The following DDX23 variants were observed in gnomAD, a reference collection of about 807,000 sequenced individuals.
DDX23 encodes the protein DEAD-box helicase 23.
DDX23 carries 33 observed loss-of-function variants against 102.7 expected under a neutral mutation model. The observed-to-expected ratio is 0.32, with a 90% CI of 0.24 to 0.43. The LOEUF is 0.43. DDX23 is among the 20% of genes least tolerant of loss of function. The pLI is 1.00. For synonymous variants in DDX23, 352 were observed against 376.0 expected (o/e 0.94, Z 0.74); for missense variants, 549 against 1,086.6 (o/e 0.51, Z 6.96).
chr12:48,839,130 C>A (rs1351187943), intron 5 of DDX23, among the ~76,000 whole-genome samples: 1 of 152,132 alleles, frequency 6.6e-6, no homozygotes, highest in East Asian at 1.9e-4. Context: ...CCATCTTGGC[C>A]TTCCAAAGTA....
Position 48,832,533 on chromosome 12 carries a change from C to A in DDX23, c.1844G>T (p.Arg615Leu). 1 of 1,614,160 alleles carries A rather than the reference C, an allele frequency of 6.2e-7. No homozygotes were observed. The highest frequency in any genetic ancestry group is 8.5e-7 in the Non-Finnish European group (1 of 1,180,016). The change falls in exon 14 of 17, where the codon CGT (arginine) becomes CTT (leucine). Residue 615 changes from arginine (R) to leucine (L), a missense_variant. By Grantham distance (102) the Arg-to-Leu change is moderately radical. Transcript: ENST00000308025. This position sits in a 1 kb window ranked among gnomAD's most constrained non-coding sequence, Gnocchi z 4.4. Reference sequence around the variant, plus strand: ...TCGCCGAAGATAGCTCCTGGCCAGACGCTCCACCGCTGGGGGCATGGTGGC... The same window carrying A: ...TCGCCGAAGATAGCTCCTGGCCAGAAGCTCCACCGCTGGGGGCATGGTGGC... ...FTATMPPAVERLARSYLRRPA... is the reference protein window; with the variant it reads ...FTATMPPAVELLARSYLRRPA...
At chr12:48,831,073 G>T (rs770522548) in intron 16 of DDX23, 69 bp downstream of exon 16, 181 of 1,570,466 alleles carry the variant, frequency 1.2e-4, no homozygotes, top group South Asian at 1.8e-4. Flanking sequence ...ACAGCACCCT[G>T]ACTTCCAGTG....
intron 2 of DDX23, among the ~76,000 whole-genome samples, chr12:48,844,504 C>A (rs1354385990): frequency 6.6e-6 from 1 of 152,068 alleles, no homozygotes; most frequent in Non-Finnish European, 1.5e-5. Context: ...CTCTCAAACT[C>A]CTCACCTCAA....
intron 15 of DDX23, chr12:48,831,757 G>A (rs1364343950): frequency 1.3e-5 from 6 of 451,714 alleles, no homozygotes; most frequent in East Asian, 8.0e-5. Context: ...TCCTCTCAAC[G>A]TACCTAAGCA....
Position 48,837,599 on chromosome 12 carries a change from A to G in DDX23, c.678T>C (p.Asn226=), listed in dbSNP as rs1196991053. The G allele has an allele frequency of 3.1e-6, 5 of 1,613,698 alleles. No individual in the cohort carries two copies. The highest frequency in any genetic ancestry group is 2.2e-5 in the South Asian group (2 of 91,062). Residue 226 remains asparagine (N), a synonymous_variant, in exon 7 of 17, where the codon AAT becomes AAC. Coordinates refer to ENST00000308025, the MANE Select transcript of DDX23 (RefSeq NM_004818.3). Reference sequence around the variant, plus strand: ...GCCGCCCTTCCTCATCCTCATTTCCATTGGTCTCCCGTTCCATCCTCTCCC... The same window carrying G: ...GCCGCCCTTCCTCATCCTCATTTCCGTTGGTCTCCCGTTCCATCCTCTCCC... The part of the protein sequence containing the change: ...ERRERMERET[N]GNEDEEGRQK...
At chr12:48,851,904 G>T (rs1228815049) in intron 1 of DDX23, among the ~76,000 whole-genome samples, 180 bp downstream of exon 1, 1 of 152,244 alleles carries the variant, frequency 6.6e-6, no homozygotes, top group Non-Finnish European at 1.5e-5. Flanking sequence ...GCCCGGAGGA[G>T]CCAACACTAC....
Position 48,831,137 on chromosome 12 carries a change from C to CT in DDX23, c.2239+4dup, listed in dbSNP as rs1938380559. ...TGGATTGAAGCTGCTTTCCCTGGAACTTACCTTCAATATTTTTGGCCATAT... is the reference window on the plus strand; with the variant it reads ...TGGATTGAAGCTGCTTTCCCTGGAACTTTACCTTCAATATTTTTGGCCATAT... On this transcript the variant is annotated splice_donor_region_variant and intron_variant, in intron 16 of 16. Transcript: ENST00000308025. 1 of 1,614,038 alleles carries CT rather than the reference C, an allele frequency of 6.2e-7. No homozygotes were observed. Among genetic ancestry groups the CT allele is most frequent in the Non-Finnish European group, 8.5e-7 (1 of 1,179,882 alleles).
At position 48,832,699 on chromosome 12, in the gene DDX23, C is replaced by T. The variant is rs1043189123; in HGVS notation, c.1804-126G>A. The T allele has an allele frequency of 1.7e-6, 2 of 1,211,548 alleles. No homozygotes were observed. The highest frequency in any genetic ancestry group is 3.1e-5 in the African/African-American group (2 of 65,332). 75.0% of individuals were successfully genotyped at this position (1,211,548 alleles called of 1,614,324 possible). ...GCCACAGTATAGGCTTTGATAGCCA[C>T]CACCTTAGAAAATAGTGTCCTCTGA... On this transcript the variant is annotated intron_variant, in intron 13 of 16. Transcript: ENST00000308025. The surrounding 1 kb of genome is among the most constrained non-coding windows in gnomAD (Gnocchi z 4.4).
chr12:48,830,339 G>A lies in DDX23; in HGVS notation c.*130C>T, dbSNP rs1353171268. ...CCTCCTGACCTGAGGGTCTGGGCTA[G>A]GGAGTTGGATTGTTTTCCTAAGCCC... On this transcript the variant is annotated 3_prime_UTR_variant, in exon 17 of 17. Transcript: ENST00000308025. The surrounding 1 kb of genome is among the most constrained non-coding windows in gnomAD (Gnocchi z 4.9). The A allele has an allele frequency of 8.9e-7, 1 of 1,118,006 alleles. No homozygotes were observed. 69.3% of individuals were successfully genotyped at this position (1,118,006 alleles called of 1,614,324 possible). A position where few individuals can be genotyped will look rare whatever the true frequency, so the allele number is the denominator to read the frequency against.
intron 12 of DDX23, 134 bp from the exon 13 acceptor site, chr12:48,833,653 A>G: frequency 8.8e-7 from 1 of 1,132,604 alleles, no homozygotes; most frequent in South Asian, 1.5e-5. Context: ...TATGTTTAGC[A>G]GTAAAGGCTC....
At position 48,843,987 on chromosome 12, in the gene DDX23, A is replaced by ATCTCGG; in HGVS notation, c.267_272dup (p.Arg92_Asp93dup). On this transcript the variant is annotated inframe_insertion, in exon 3 of 17. Transcript: ENST00000308025. Reference sequence around the variant, plus strand: ...CCCGTCTGTGCCCATCCTTGTCTCGATCTCGGTCCTTCTTATTCCGATCCC... The same window carrying ATCTCGG: ...CCCGTCTGTGCCCATCCTTGTCTCGATCTCGGTCTCGGTCCTTCTTATTCCGATCCC... 6.2e-7 allele frequency: 1 copy of ATCTCGG among 1,613,698 alleles called. No individual in the cohort carries two copies. The highest frequency in any genetic ancestry group is 8.5e-7 in the Non-Finnish European group (1 of 1,179,940).
chr12:48,842,440 G>A (rs1233446139), intron 3 of DDX23, among the ~76,000 whole-genome samples: 6 of 138,774 alleles, frequency 4.3e-5, no homozygotes, highest in African/African-American at 1.6e-4. Context: ...CCCCATCCGG[G>A]AGGGAGGTAG....
chr12:48,840,172 GC>G, intron 3 of DDX23, 66 bp from the exon 4 acceptor site: 1 of 1,281,768 alleles, frequency 7.8e-7, no homozygotes, highest in Non-Finnish European at 1.1e-6. Flanking sequence ...TTCAAGTTGA[GC>G]CCCGAAAAGA....
Position 48,836,860 on chromosome 12 carries a change from GCT to G in DDX23, c.1010+32_1010+33del. On this transcript the variant is annotated intron_variant, in intron 9 of 16. Transcript: ENST00000308025. This position sits in a 1 kb window ranked among gnomAD's most constrained non-coding sequence, Gnocchi z 6.1. ...CAACTCCTTTCTGTAGAGCCTCTGG[GCT>G]CTGTCCAGCCACCCTAGCCTTGATC... is the stretch of plus-strand genomic sequence containing the variant. The G allele has an allele frequency of 6.2e-7, 1 of 1,613,786 alleles. No homozygotes were observed. Among genetic ancestry groups the G allele is most frequent in the Non-Finnish European group, 8.5e-7 (1 of 1,179,914 alleles).
At chr12:48,841,586 G>A (rs563527886) in intron 3 of DDX23, among the ~76,000 whole-genome samples, 66 of 152,328 alleles carry the variant, frequency 4.3e-4, no homozygotes, top group Admixed American at 3.4e-3. Context: ...TCAGCCTGCC[G>A]AGTGCCTGCG....
chr12:48,831,364 A>C, intron 15 of DDX23, 48 bp from the exon 16 acceptor site: 1 of 1,588,280 alleles, frequency 6.3e-7, no homozygotes, highest in Non-Finnish European at 8.6e-7. Flanking sequence ...AATCAAGGAG[A>C]GACACAGGAG....
chr12:48,830,490 C>T lies in DDX23; in HGVS notation c.2442G>A (p.Arg814=), dbSNP rs1565674668. ...TGTGTCAGGCAAAGATGGTCTCTTC[C>T]CGGCGCTTCTTGGTGAGGATGGTGC... ...KPGTILTKKR[R]EETIFA The change falls in exon 17 of 17, where the codon CGG becomes CGA. Residue 814 remains arginine (R), a synonymous_variant. Coordinates refer to ENST00000308025, the MANE Select transcript of DDX23 (RefSeq NM_004818.3). The surrounding 1 kb of genome is among the most constrained non-coding windows in gnomAD (Gnocchi z 4.9). The T allele has an allele frequency of 6.2e-7, 1 of 1,613,794 alleles. No homozygotes were observed. Among genetic ancestry groups the T allele is most frequent in the African/African-American group, 1.3e-5 (1 of 74,886 alleles).
At chr12:48,842,453 G>C (rs1250821269) in intron 3 of DDX23, among the ~76,000 whole-genome samples, 5 of 135,428 alleles carry the variant, frequency 3.7e-5, no homozygotes, top group African/African-American at 1.4e-4. Flanking sequence ...GGAGGTAGGG[G>C]GGTCAGCCCC....
rs1390513164 is a variant in DDX23, at chr12:48,843,950, T to C, written c.310A>G (p.Lys104Glu). The C allele has an allele frequency of 1.2e-6, 2 of 1,613,994 alleles. No individual in the cohort carries two copies. Among genetic ancestry groups the C allele is most frequent in the Non-Finnish European group, 1.7e-6 (2 of 1,179,976 alleles). The change falls in exon 3 of 17, where the codon AAA becomes GAA. Residue 104 changes from lysine to glutamate, a missense_variant. Physicochemically the swap from Lys to Glu is moderately conservative, Grantham distance 56. Transcript: ENST00000308025. ...CATTCCTTCATGTACCTGGATCGTT[T>C]ACGGTCCTTGTCCCGTCTGTGCCCA... ...KDGHRRDKDR[K>E]RSSLSPGRGK...
Sources: gnomAD v4.1 joint callset for allele counts (sites outside exome capture counted in the v4.1 genomes callset) on GRCh38, gnomAD v4.1.1 for gene constraint, Gnocchi (gnomAD v3.1) non-coding constraint, MANE v1.5 for transcripts, NCBI Gene and HGNC (gene_info 2026-07-23, HGNC 2026-07-21) for gene names.